EIF3D: variants seen among roughly 807,000 people sequenced by gnomAD.
EIF3D encodes the protein eukaryotic translation initiation factor 3 subunit D, also known as eIF3 p66.
Under a neutral mutation model 75.4 loss-of-function variants are expected in EIF3D, and 10 were observed. That is an observed-to-expected ratio of 0.13 (90% CI 0.08 to 0.22). The LOEUF (loss-of-function observed/expected upper bound fraction) is 0.22. Among genes scored for constraint, EIF3D ranks in the 10% least tolerant of loss-of-function variants. EIF3D has a pLI of 1.00. For missense variants in EIF3D, 394 were observed against 708.0 expected (o/e 0.56, Z 5.03); for synonymous variants, 246 against 248.3 (o/e 0.99, Z 0.09).
chr22:36,517,476 C>T (rs751942892), intron 9 of EIF3D, 45 bp from the exon 10 acceptor site: 10 of 1,582,722 alleles, frequency 6.3e-6, no homozygotes, highest in Non-Finnish European at 7.7e-6. Flanking sequence ...CAAAGAGTCA[C>T]TGACAATGTG....
rs918922326 is a variant in EIF3D at position 36,527,218 on chromosome 22, A to G, written c.-10-1087T>C. Among the ~76,000 whole-genome samples, 72 of 152,186 alleles carry G rather than the reference A, an allele frequency of 4.7e-4. 2 individuals carry two copies. Among genetic ancestry groups the G allele is most frequent in the Admixed American group, 4.6e-3 (71 of 15,278 alleles). ...CCAGGCACTGTTCTTACTGTTTACC[A>G]CTCATTCATTCATACAGTCCTGCCA... On this transcript the variant is annotated intron_variant, in intron 1 of 14. Coordinates refer to ENST00000216190, the MANE Select transcript of EIF3D (RefSeq NM_003753.4).
intron 8 of EIF3D, among the ~76,000 whole-genome samples, 162 bp from the exon 9 acceptor site, chr22:36,519,072 G>A (rs369101687): frequency 4.3e-4 from 66 of 152,290 alleles, no homozygotes; most frequent in African/African-American, 1.4e-3. Context: ...AGCAAGTTTC[G>A]GGTGGCAGTG....
At chr22:36,517,523 A>T in intron 9 of EIF3D, 92 bp from the exon 10 acceptor site, 1 of 1,418,676 alleles carries the variant, frequency 7.0e-7, no homozygotes. Context: ...GGCAAACAAC[A>T]CAAGTCCTTC....
intron 3 of EIF3D, 21 bp from the exon 4 acceptor site, chr22:36,524,753 A>T (rs779975731): frequency 7.2e-5 from 117 of 1,614,114 alleles, no homozygotes; most frequent in Non-Finnish European, 9.6e-5. Context: ...AGGTGATGGC[A>T]TGTAGTAACT....
rs1934444231 is a variant in EIF3D, at chr22:36,517,371, T to C, written c.920A>G (p.Asn307Ser). 6 of 1,613,946 alleles carry C rather than the reference T, an allele frequency of 3.7e-6. No homozygotes were observed. Among genetic ancestry groups the C allele is most frequent in the Non-Finnish European group, 5.1e-6 (6 of 1,179,916 alleles). Reference protein sequence around the residue: ...EPPQDEGNSFNSPRNLAMEAT... With the variant: ...EPPQDEGNSFSSPRNLAMEAT... ...CTCCATGGCCAGGTTGCGGGGTGAA[T>C]TGAAGGAATTACCTTCATCTTGAGG... Residue 307 changes from asparagine to serine, a missense_variant, in exon 10 of 15, where the codon AAT (asparagine) becomes AGT (serine). By Grantham distance (46) the Asn-to-Ser change is conservative (BLOSUM62 1). Transcript: ENST00000216190.
Position 36,523,948 on chromosome 22 carries a change from G to A in EIF3D, c.339C>T (p.Asn113=), listed in dbSNP as rs1569001324. 1.2e-6 allele frequency: 2 copies of A among 1,614,070 alleles called. No homozygotes were observed. Among genetic ancestry groups the A allele is most frequent in the Non-Finnish European group, 1.7e-6 (2 of 1,180,014 alleles). ...GGATCTGCAGGTTGAACTGCAACATGTTCCGACGATCTTTGTCTCTGCGGA... is the reference window on the plus strand; with the variant it reads ...GGATCTGCAGGTTGAACTGCAACATATTCCGACGATCTTTGTCTCTGCGGA... ...RNLRRDKDRR[N]MLQFNLQILP... is the part of the protein sequence containing the mutation. The change falls in exon 5 of 15, where the codon AAC becomes AAT. Residue 113 remains asparagine (N), a synonymous_variant. Coordinates refer to ENST00000216190, the MANE Select transcript of EIF3D (RefSeq NM_003753.4).
Position 36,511,208 on chromosome 22 carries a change from C to T in EIF3D, c.1634-208G>A, listed in dbSNP as rs531374582. 1.5e-4 allele frequency: 118 copies of T among 808,390 alleles called. No homozygotes were observed. In the South Asian group the frequency reaches 1.9e-3, roughly 13 times the overall value. 50.1% of individuals were successfully genotyped at this position (808,390 alleles called of 1,614,324 possible). On this transcript the variant is annotated intron_variant, in intron 14 of 14. Coordinates refer to ENST00000216190, the MANE Select transcript of EIF3D (RefSeq NM_003753.4). Reference sequence around the variant, plus strand: ...GAGACAACTTTCAGGCTATTTAACCCGGAGCGGAGCTTTTCCCTCTAGACC... The same window carrying T: ...GAGACAACTTTCAGGCTATTTAACCTGGAGCGGAGCTTTTCCCTCTAGACC...
chr22:36,517,052 A>C (rs1450744855), intron 10 of EIF3D: 3 of 613,928 alleles, frequency 4.9e-6, no homozygotes, highest in Non-Finnish European at 8.5e-6. Flanking sequence ...ATTTGATGTA[A>C]ATCAATTTAT....
chr22:36,517,078 G>A, intron 10 of EIF3D: 1 of 628,150 alleles, frequency 1.6e-6, no homozygotes, highest in Non-Finnish European at 2.8e-6. Context: ...ATTGTTCACT[G>A]TGTTTCCTCC....
Position 36,524,665 on chromosome 22 carries a change from G to A in EIF3D, c.237C>T (p.Ser79=), listed in dbSNP as rs778671087. The A allele has an allele frequency of 6.2e-7, 1 of 1,614,086 alleles. No individual in the cohort carries two copies. The highest frequency in any genetic ancestry group is 1.1e-5 in the South Asian group (1 of 91,096). Residue 79 remains serine (S), a synonymous_variant, in exon 4 of 15, where the codon AGC becomes AGT. Coordinates refer to ENST00000216190, the MANE Select transcript of EIF3D (RefSeq NM_003753.4). ...TGCGCGCTGTATCCACCAGCTGGAA[G>A]CTACTTTCATCCTCCTCATGGAAAT... ...YAYFHEEDES[S]FQLVDTARTQ...
At chr22:36,525,867 G>A (rs1934590149) in intron 2 of EIF3D, 132 bp downstream of exon 2, 1 of 1,474,400 alleles carries the variant, frequency 6.8e-7, no homozygotes. Flanking sequence ...TACACCCAGA[G>A]ATAACCTTTC....
intron 12 of EIF3D, chr22:36,516,237 C>G (rs16996836): frequency 2.4e-6 from 1 of 421,992 alleles, no homozygotes; most frequent in South Asian, 4.7e-5. Context: ...CTGGTTCCTG[C>G]GTAAAAAATA....
chr22:36,520,803 C>T lies in EIF3D; in HGVS notation c.466-115G>A, dbSNP rs1376990037. ...GGTGCAGTGGCTCATGCCTGTAGTC[C>T]CAGCACTTTGGGAAGCTGGGGCAGG... is the stretch of plus-strand genomic sequence containing the variant. On this transcript the variant is annotated intron_variant, in intron 6 of 14. Coordinates refer to ENST00000216190, the MANE Select transcript of EIF3D (RefSeq NM_003753.4). 7 of 651,374 alleles carry T rather than the reference C, an allele frequency of 1.1e-5. No individual in the cohort carries two copies. In the African/African-American group the frequency reaches 1.3e-4, roughly 12 times the overall value. The allele number at this position is 651,374 out of a possible 1,614,324, so 40.3% of individuals were successfully genotyped here.
At chr22:36,529,022 C>A in intron 1 of EIF3D, 54 bp downstream of exon 1, 1 of 360,330 alleles carries the variant, frequency 2.8e-6, no homozygotes. Context: ...AAGGCTGGAC[C>A]TAGTCCGAAC....
chr22:36,528,679 T>G (rs988722425), intron 1 of EIF3D: 2 of 151,410 alleles, frequency 1.3e-5, no homozygotes, highest in African/African-American at 4.9e-5. Flanking sequence ...AGATAACCTA[T>G]GCACTGTGAA....
chr22:36,518,730 G>A, intron 9 of EIF3D, 33 bp downstream of exon 9: 1 of 1,611,684 alleles, frequency 6.2e-7, no homozygotes, highest in Non-Finnish European at 8.5e-7. Flanking sequence ...AATACTCAAT[G>A]CCTTTGAGTT....
chr22:36,524,552 C>T (rs778780268), intron 4 of EIF3D, 44 bp downstream of exon 4: 2 of 1,610,508 alleles, frequency 1.2e-6, no homozygotes, highest in East Asian at 2.2e-5. Flanking sequence ...TGATGGCCAA[C>T]AGTAACAGCC....
In EIF3D at chr22:36,518,695, C is replaced by T; in HGVS notation, c.859+68G>A. 5 of 1,577,296 alleles carry T rather than the reference C, an allele frequency of 3.2e-6. No homozygotes were observed. In the South Asian group the frequency reaches 3.4e-5, roughly 11 times the overall value. ...CCACTTTCTATCCATTCTCTAGTAC[C>T]AGAGACTTGTTCTGTACCAACAAAA... On this transcript the variant is annotated intron_variant, in intron 9 of 14. Coordinates refer to ENST00000216190, the MANE Select transcript of EIF3D (RefSeq NM_003753.4).
chr22:36,522,401 G>A (rs1472220761), intron 6 of EIF3D, among the ~76,000 whole-genome samples: 2 of 152,070 alleles, frequency 1.3e-5, no homozygotes, highest in Admixed American at 6.6e-5. Context: ...TGCAAACCCC[G>A]AGTATATGGA....
Sources: allele counts gnomAD v4.1 joint callset (sites outside exome capture counted in the v4.1 genomes callset), GRCh38; gene constraint gnomAD v4.1.1; transcripts MANE v1.5; gene names NCBI Gene and HGNC (gene_info 2026-07-23, HGNC 2026-07-21).